The following LMX1A variants were observed in gnomAD, a reference collection of about 807,000 sequenced individuals.
The protein encoded by LMX1A is LIM homeobox transcription factor 1-alpha.
In LMX1A, 15 loss-of-function variants were observed where a neutral mutation model predicts 49.1. The observed-to-expected ratio is 0.31, with a 90% CI of 0.20 to 0.47. The LOEUF is 0.47. Among genes scored for constraint, LMX1A ranks in the 20% least tolerant of loss-of-function variants. The probability of loss-of-function intolerance (pLI) is 1.00; values close to 1 mark genes in which losing one functional copy is unlikely to be tolerated. For synonymous variants in LMX1A, 167 were observed against 185.7 expected, an observed-to-expected ratio of 0.90 and a Z score of 0.82; for missense variants, 372 against 475.8, an observed-to-expected ratio of 0.78 and a Z score of 2.03.
At chr1:165,222,385 T>C (rs1023346940) in intron 4 of LMX1A, among the ~76,000 whole-genome samples, 16 of 152,198 alleles carry the variant, frequency 1.1e-4, no homozygotes, top group African/African-American at 3.9e-4. Context: ...TGAATAAGGT[T>C]TGAGTGTGTT....
intron 3 of LMX1A, among the ~76,000 whole-genome samples, chr1:165,330,616 A>G (rs1655718717): frequency 6.6e-6 from 1 of 152,224 alleles, no homozygotes; most frequent in Non-Finnish European, 1.5e-5. Context: ...CAACGGACCA[A>G]AAGTAGGCAG....
intron 5 of LMX1A, among the ~76,000 whole-genome samples, chr1:165,212,356 G>A (rs548429629): frequency 6.6e-6 from 1 of 152,278 alleles, no homozygotes; most frequent in Admixed American, 6.5e-5. Context: ...CCAACCTCAT[G>A]AGAACAACAA....
rs529803506 is a variant in LMX1A, at chr1:165,343,064, T to C, written c.263+10012A>G. Reference sequence around the variant, plus strand: ...TGTGAGGATCAATAGAGATAATATATGTGAAGGTTCTTTGAAAATTAAAAA... The same window carrying C: ...TGTGAGGATCAATAGAGATAATATACGTGAAGGTTCTTTGAAAATTAAAAA... On this transcript the variant is annotated intron_variant, in intron 3 of 8. Transcript: ENST00000342310. Among the ~76,000 whole-genome samples, 15 of 152,324 alleles carry C rather than the reference T, an allele frequency of 9.8e-5. No homozygotes were observed. The East Asian group carries it at 2.7e-3, about 27-fold the overall frequency.
chr1:165,261,324 T>C (rs941152442), intron 3 of LMX1A, among the ~76,000 whole-genome samples: 7 of 152,132 alleles, frequency 4.6e-5, no homozygotes, highest in Non-Finnish European at 1.0e-4. Context: ...CAACTCTCCT[T>C]CCATCCACTA....
At chr1:165,231,743 C>G (rs1042307256) in intron 4 of LMX1A, among the ~76,000 whole-genome samples, 1 of 151,768 alleles carries the variant, frequency 6.6e-6, no homozygotes, top group African/African-American at 2.4e-5. Flanking sequence ...CCTTTCTCCC[C>G]GATGTAAACT....
intron 3 of LMX1A, among the ~76,000 whole-genome samples, chr1:165,265,549 G>A (rs749800618): frequency 6.6e-6 from 1 of 152,182 alleles, no homozygotes; most frequent in South Asian, 2.1e-4. Context: ...ACTCAAAAGC[G>A]AGTGCCTCCC....
intron 3 of LMX1A, among the ~76,000 whole-genome samples, chr1:165,315,780 T>C (rs1215116188): frequency 6.6e-6 from 1 of 152,196 alleles, no homozygotes; most frequent in Non-Finnish European, 1.5e-5. Context: ...ATGTGACGCA[T>C]CAAATACCTC....
At chr1:165,344,062 G>GC (rs1471282090) in intron 3 of LMX1A, among the ~76,000 whole-genome samples, 2 of 152,244 alleles carry the variant, frequency 1.3e-5, no homozygotes, top group Admixed American at 6.5e-5. Flanking sequence ...CATGAGACAA[G>GC]CAAGAAGGCA....
chr1:165,286,257 C>T (rs190381860), intron 3 of LMX1A, among the ~76,000 whole-genome samples: 1 of 152,172 alleles, frequency 6.6e-6, no homozygotes, highest in Non-Finnish European at 1.5e-5. Context: ...CAGAGTATGT[C>T]GGCACTCAAT....
chr1:165,341,959 C>T (rs1656090991), intron 3 of LMX1A, among the ~76,000 whole-genome samples: 1 of 152,186 alleles, frequency 6.6e-6, no homozygotes, highest in African/African-American at 2.4e-5. Context: ...AGGTAAAGTA[C>T]ATTCCAGTTG....
chr1:165,296,868 ATT>A (rs1654635775), intron 3 of LMX1A, among the ~76,000 whole-genome samples: 1 of 152,228 alleles, frequency 6.6e-6, no homozygotes, highest in Non-Finnish European at 1.5e-5. Context: ...GTGGGGTTTA[ATT>A]TTGCTTGATT....
chr1:165,352,341 G>T (rs1015806305), intron 3 of LMX1A, among the ~76,000 whole-genome samples: 1 of 152,236 alleles, frequency 6.6e-6, no homozygotes, highest in African/African-American at 2.4e-5. Context: ...TTGCTCCGTG[G>T]CAGAAGAGCG....
chr1:165,207,976 T>G, intron 7 of LMX1A, 87 bp downstream of exon 7: 4 of 1,120,962 alleles, frequency 3.6e-6, no homozygotes, highest in Non-Finnish European at 5.3e-6. Flanking sequence ...TCCAGATATG[T>G]CATCCAAAGA....
intron 3 of LMX1A, among the ~76,000 whole-genome samples, chr1:165,329,707 A>AT (rs1655690766): frequency 2.0e-5 from 3 of 150,832 alleles, no homozygotes; most frequent in African/African-American, 7.3e-5. Flanking sequence ...ATTTTGGTGG[A>AT]GTCTGACAGA....
intron 4 of LMX1A, among the ~76,000 whole-genome samples, chr1:165,222,106 T>A (rs1161242620): frequency 6.6e-6 from 1 of 152,214 alleles, no homozygotes; most frequent in African/African-American, 2.4e-5. Flanking sequence ...TTGTCAGAAC[T>A]GCAAATACTG....
chr1:165,339,611 C>T (rs766456446), intron 3 of LMX1A, among the ~76,000 whole-genome samples: 1 of 152,204 alleles, frequency 6.6e-6, no homozygotes, highest in Non-Finnish European at 1.5e-5. Context: ...GGCAAAGCAG[C>T]TCTGTGAGAA....
intron 3 of LMX1A, among the ~76,000 whole-genome samples, chr1:165,351,338 G>A (rs1036183159): frequency 8.5e-5 from 13 of 152,296 alleles, no homozygotes; most frequent in African/African-American, 2.9e-4. Flanking sequence ...GATGAAAAGC[G>A]AGAGAGAAAA....
chr1:165,295,833 G>A (rs539221578), intron 3 of LMX1A, among the ~76,000 whole-genome samples: 4 of 152,238 alleles, frequency 2.6e-5, no homozygotes, highest in African/African-American at 9.6e-5. Flanking sequence ...GAAAAGAACC[G>A]GGATAAACAT....
At chr1:165,332,731 G>A (rs1448059406) in intron 3 of LMX1A, among the ~76,000 whole-genome samples, 2 of 152,168 alleles carry the variant, frequency 1.3e-5, no homozygotes, top group African/African-American at 4.8e-5. Context: ...TAATAAGATG[G>A]AGTTTGGGGA....
Sources: gnomAD v4.1 joint callset for allele counts (sites outside exome capture counted in the v4.1 genomes callset) on GRCh38, gnomAD v4.1.1 for gene constraint, MANE v1.5 for transcripts, NCBI Gene and HGNC (gene_info 2026-07-23, HGNC 2026-07-21) for gene names.